Variants in GABRG3 observed in about 807,000 individuals in gnomAD.
GABRG3 encodes gamma-aminobutyric acid type A receptor subunit gamma3.
Under a neutral mutation model 48.8 loss-of-function variants are expected in GABRG3, and 25 were observed. That is an observed-to-expected ratio of 0.51 (90% confidence interval 0.37 to 0.72). GABRG3 has a LOEUF of 0.72. Ranked by LOEUF, GABRG3 falls within the 30% of genes least tolerant of loss-of-function variation. GABRG3 has a pLI of 0.00. For missense variants in GABRG3, 394 were observed against 577.9 expected, an observed-to-expected ratio of 0.68 and a Z score of 3.26; for synonymous variants, 227 against 217.6, an observed-to-expected ratio of 1.04 and a Z score of -0.38.
At position 27,219,565 on chromosome 15, in the gene GABRG3, C is replaced by CA. The variant is rs780992656; in HGVS notation, c.271-107243dup. 2.6e-3 allele frequency among the ~76,000 whole-genome samples: 403 copies of CA among 152,300 alleles called. 1 individual carries two copies. The highest frequency in any genetic ancestry group is 5.2e-3 in the Non-Finnish European group (352 of 68,036). ...ATGGATCCTGTGGCCCTGGATGCAG[C>CA]ATCCCACCCCTCTGTCCACACCCTC... On this transcript the variant is annotated intron_variant, in intron 3 of 9. Coordinates refer to ENST00000615808, the MANE Select transcript of GABRG3 (RefSeq NM_033223.5).
intron 3 of GABRG3, among the ~76,000 whole-genome samples, chr15:27,112,566 G>A (rs764465825): frequency 9.3e-5 from 14 of 150,744 alleles, no homozygotes; most frequent in Non-Finnish European, 1.8e-4. Context: ...TCAGCCTCCC[G>A]AGTAGCTGGG....
At chr15:27,043,728 A>T (rs1896316334) in intron 3 of GABRG3, among the ~76,000 whole-genome samples, 1 of 152,222 alleles carries the variant, frequency 6.6e-6, no homozygotes, top group East Asian at 1.9e-4. Flanking sequence ...TTGCTGTGTA[A>T]CGAAGTACCC....
chr15:27,482,586 T>C (rs1349348571), intron 6 of GABRG3, among the ~76,000 whole-genome samples: 1 of 152,248 alleles, frequency 6.6e-6, no homozygotes, highest in Non-Finnish European at 1.5e-5. Context: ...TGTTTCTCAA[T>C]CTCCTAACTC....
rs561074593 is a variant in GABRG3 at position 27,256,262 on chromosome 15, G to A, written c.271-70547G>A. Among the ~76,000 whole-genome samples the A allele has an allele frequency of 1.9e-3, 287 of 151,608 alleles. 1 individual carries two copies. Among genetic ancestry groups the A allele is most frequent in the Admixed American group, 5.8e-3 (88 of 15,224 alleles). On this transcript the variant is annotated intron_variant, in intron 3 of 9. Coordinates refer to ENST00000615808, the MANE Select transcript of GABRG3 (RefSeq NM_033223.5). ...TCAAGACCATCCTGGCTAACATGGTGAAACCCGTCTCTACTAAAAATACAA... is the reference window on the plus strand; with the variant it reads ...TCAAGACCATCCTGGCTAACATGGTAAAACCCGTCTCTACTAAAAATACAA...
chr15:27,398,015 A>G (rs75543325), intron 5 of GABRG3, among the ~76,000 whole-genome samples: 8,871 of 152,066 alleles, frequency 0.058, 362 homozygotes, highest in South Asian at 0.2. Context: ...CGTGTTAGCC[A>G]GGATGGTCTC....
intron 3 of GABRG3, among the ~76,000 whole-genome samples, chr15:27,056,185 C>T (rs1317749851): frequency 6.6e-6 from 1 of 151,152 alleles, no homozygotes; most frequent in Non-Finnish European, 1.5e-5. Flanking sequence ...CCCATGTCTA[C>T]AAAAAATGCA....
chr15:27,437,968 C>T (rs1007109951), intron 5 of GABRG3, among the ~76,000 whole-genome samples: 3 of 152,172 alleles, frequency 2.0e-5, no homozygotes, highest in African/African-American at 7.2e-5. Flanking sequence ...AGCCAGAACT[C>T]GCTCATCACT....
At chr15:27,022,158 A>G (rs1371991472) in intron 2 of GABRG3, among the ~76,000 whole-genome samples, 1 of 151,900 alleles carries the variant, frequency 6.6e-6, no homozygotes, top group Non-Finnish European at 1.5e-5. Flanking sequence ...CCTCTCCTCA[A>G]TTTTTCTAAA....
intron 2 of GABRG3, among the ~76,000 whole-genome samples, chr15:26,994,252 A>C (rs1895299741): frequency 2.6e-5 from 4 of 151,548 alleles, no homozygotes; most frequent in Admixed American, 2.6e-4. Context: ...TTTGTTACAG[A>C]TATTCTCGGT....
chr15:27,118,133 A>G (rs1897673909), intron 3 of GABRG3, among the ~76,000 whole-genome samples: 1 of 152,166 alleles, frequency 6.6e-6, no homozygotes, highest in Admixed American at 6.5e-5. Context: ...TCAGTCCATA[A>G]TGTAATTCTT....
chr15:27,139,005 T>TGATA (rs372666035), intron 3 of GABRG3, among the ~76,000 whole-genome samples: 190 of 151,766 alleles, frequency 1.3e-3, no homozygotes, highest in African/African-American at 4.1e-3. Flanking sequence ...GGTGGATAGG[T>TGATA]GATAGATAGA....
At chr15:27,091,483 A>T (rs920428352) in intron 3 of GABRG3, among the ~76,000 whole-genome samples, 1 of 152,136 alleles carries the variant, frequency 6.6e-6, no homozygotes, top group African/African-American at 2.4e-5. Flanking sequence ...GACCTCATAG[A>T]AAGAGTTAGA....
chr15:27,529,207 T>C (rs1379166435), intron 9 of GABRG3, among the ~76,000 whole-genome samples: 1 of 152,234 alleles, frequency 6.6e-6, no homozygotes, highest in African/African-American at 2.4e-5. Flanking sequence ...TTAAGCCCTA[T>C]AAATATTGAC....
At chr15:27,156,298 CAAAAAA>C (rs34055206) in intron 3 of GABRG3, among the ~76,000 whole-genome samples, 6 of 78,122 alleles carry the variant, frequency 7.7e-5, no homozygotes, top group African/African-American at 2.0e-4. Flanking sequence ...CACTCTGTCT[CAAAAAA>C]AAAAAAAAAA....
intron 5 of GABRG3, among the ~76,000 whole-genome samples, chr15:27,426,814 C>T (rs1454472807): frequency 6.6e-6 from 1 of 152,144 alleles, no homozygotes; most frequent in Non-Finnish European, 1.5e-5. Flanking sequence ...CAGAGACAGA[C>T]TCTGTCTCCA....
At chr15:26,972,880 A>C (rs900599234) in intron 1 of GABRG3, among the ~76,000 whole-genome samples, 21 of 152,250 alleles carry the variant, frequency 1.4e-4, no homozygotes, top group African/African-American at 5.1e-4. Context: ...CCGGTGACTC[A>C]CAGGCAACTC....
At chr15:27,423,259 A>AC (rs1000469676) in intron 5 of GABRG3, among the ~76,000 whole-genome samples, 18 of 151,068 alleles carry the variant, frequency 1.2e-4, no homozygotes, top group African/African-American at 3.2e-4. Flanking sequence ...AAAAAAAAAA[A>AC]AAAAAACCTC....
At chr15:27,250,315 T>C (rs994499218) in intron 3 of GABRG3, among the ~76,000 whole-genome samples, 4 of 152,236 alleles carry the variant, frequency 2.6e-5, no homozygotes, top group African/African-American at 9.6e-5. Flanking sequence ...AGGAGGCTGC[T>C]TACATTTAAT....
intron 3 of GABRG3, among the ~76,000 whole-genome samples, chr15:27,145,665 T>TATCTATCTATCTGTCTATCTATCTATC (rs57021410): frequency 7.2e-6 from 1 of 138,356 alleles, no homozygotes; most frequent in Non-Finnish European, 1.5e-5. Flanking sequence ...ATCTATCTAT[T>TATCTATCTATCTGTCTATCTATCTATC]GTGCCAGAAG....
Sources: allele counts gnomAD v4.1 joint callset (sites outside exome capture counted in the v4.1 genomes callset), GRCh38; gene constraint gnomAD v4.1.1; transcripts MANE v1.5; gene names NCBI Gene and HGNC (gene_info 2026-07-23, HGNC 2026-07-21).